The following CLIC6 variants were observed in gnomAD, a reference collection of about 807,000 sequenced individuals.
CLIC6 encodes the protein CLIC family member 6.
Under a neutral mutation model 49.2 loss-of-function variants are expected in CLIC6, and 39 were observed. The ratio of observed to expected loss-of-function variants is 0.79; its 90% CI spans 0.61 to 1.04. CLIC6 has a LOEUF of 1.04. CLIC6 is among the 50% of genes least tolerant of loss of function. The pLI is 0.00. For missense variants in CLIC6, 988 were observed against 993.1 expected, an observed-to-expected ratio of 0.99 and a Z score of 0.07; for synonymous variants, 446 against 433.4, an observed-to-expected ratio of 1.03 and a Z score of -0.36.
At chr21:34,709,734 G>A (rs1044191749) in intron 5 of CLIC6, among the ~76,000 whole-genome samples, 196 bp downstream of exon 5, 72 of 152,362 alleles carry the variant, frequency 4.7e-4, no homozygotes, top group African/African-American at 1.6e-3. Flanking sequence ...TTCTCAGAAA[G>A]TGCCTGGGAA....
At chr21:34,707,212 C>G in intron 1 of CLIC6, 68 bp from the exon 2 acceptor site, 1 of 1,141,110 alleles carries the variant, frequency 8.8e-7, no homozygotes, top group Non-Finnish European at 1.3e-6. Flanking sequence ...TTTGCATGTG[C>G]ATGTTGTGGT....
chr21:34,670,871 T>TGACAATCAGGA, intron 1 of CLIC6, 109 bp downstream of exon 1: 1 of 1,250,416 alleles, frequency 8.0e-7, no homozygotes, highest in Non-Finnish European at 1.1e-6. Context: ...GGTATCCTGA[T>TGACAATCAGGA]TGTCATCAGG....
intron 3 of CLIC6, 144 bp from the exon 4 acceptor site, chr21:34,708,556 C>A (rs146848934): frequency 3.1e-5 from 20 of 646,642 alleles, no homozygotes; most frequent in African/African-American, 2.0e-4. Context: ...TACTTCCCAA[C>A]CTTTGAGAGG....
chr21:34,715,400 C>G (rs1006338659), intron 5 of CLIC6, among the ~76,000 whole-genome samples: 2 of 152,218 alleles, frequency 1.3e-5, no homozygotes, highest in Non-Finnish European at 2.9e-5. Context: ...AAGAGAGACA[C>G]AGGGAGAAGG....
At chr21:34,674,137 G>A (rs2145796086) in intron 1 of CLIC6, among the ~76,000 whole-genome samples, 1 of 151,712 alleles carries the variant, frequency 6.6e-6, no homozygotes, top group Non-Finnish European at 1.5e-5. Context: ...TTTTTTTTGA[G>A]ACAGGGTCTC....
intron 1 of CLIC6, among the ~76,000 whole-genome samples, chr21:34,704,196 T>A (rs1287704880): frequency 6.6e-6 from 1 of 152,212 alleles, no homozygotes; most frequent in Non-Finnish European, 1.5e-5. Flanking sequence ...CATCATCTTG[T>A]CGGGCTAATG....
chr21:34,700,507 A>T (rs4816498), intron 1 of CLIC6, among the ~76,000 whole-genome samples: 137,550 of 137,550 alleles, frequency 1, 68,775 homozygotes, highest in Non-Finnish European at 1. Flanking sequence ...TGCTTTTTAT[A>T]AAAAGGGAAA....
At chr21:34,682,125 G>C (rs912225797) in intron 1 of CLIC6, among the ~76,000 whole-genome samples, 3 of 152,166 alleles carry the variant, frequency 2.0e-5, no homozygotes, top group African/African-American at 7.2e-5. Context: ...ATGGTGTAGT[G>C]AATATCCCTC....
At chr21:34,713,682 A>G (rs2056070499) in intron 5 of CLIC6, among the ~76,000 whole-genome samples, 1 of 152,212 alleles carries the variant, frequency 6.6e-6, no homozygotes, top group African/African-American at 2.4e-5. Flanking sequence ...AGGAAAAAAA[A>G]ATAAAAGAAA....
rs566896581 is a variant in CLIC6 at position 34,681,558 on chromosome 21, G to A, written c.1374+10796G>A. ...GGTCTCATCTGAAGGACTTATTAGG[G>A]CTGGATAATCCACTTCCAAGATGGC... On this transcript the variant is annotated intron_variant, in intron 1 of 5. Coordinates refer to ENST00000349499, the MANE Select transcript of CLIC6 (RefSeq NM_053277.3). Among the ~76,000 whole-genome samples, 142 of 152,292 alleles carry A rather than the reference G, an allele frequency of 9.3e-4. 2 individuals carry two copies. Among genetic ancestry groups the A allele is most frequent in the Non-Finnish European group, 1.5e-3 (99 of 68,020 alleles).
At chr21:34,676,488 A>T (rs1224703812) in intron 1 of CLIC6, among the ~76,000 whole-genome samples, 3 of 152,250 alleles carry the variant, frequency 2.0e-5, no homozygotes, top group Non-Finnish European at 4.4e-5. Context: ...TTATGTCTGT[A>T]GCATCTCCAC....
intron 5 of CLIC6, among the ~76,000 whole-genome samples, chr21:34,715,256 C>T (rs2056079618): frequency 6.6e-6 from 1 of 152,174 alleles, no homozygotes; most frequent in South Asian, 2.1e-4. Flanking sequence ...GATCCTAACC[C>T]CCAGTAGCTC....
chr21:34,701,020 G>T (rs1990177820), intron 1 of CLIC6, among the ~76,000 whole-genome samples: 1 of 139,182 alleles, frequency 7.2e-6, no homozygotes, highest in Non-Finnish European at 1.6e-5. Context: ...TTCACTTGGA[G>T]TAGGTATAGG....
chr21:34,678,542 A>G (rs1363561821), intron 1 of CLIC6, among the ~76,000 whole-genome samples: 2 of 152,196 alleles, frequency 1.3e-5, no homozygotes, highest in Non-Finnish European at 2.9e-5. Context: ...ATTTAGAAGG[A>G]AAAAGGATAA....
chr21:34,695,257 C>T (rs1002357722), intron 1 of CLIC6, among the ~76,000 whole-genome samples: 2 of 152,208 alleles, frequency 1.3e-5, no homozygotes, highest in African/African-American at 4.8e-5. Flanking sequence ...TATTTCATTT[C>T]TCCGACCCTT....
chr21:34,699,397 G>C (rs1381900159), intron 1 of CLIC6, among the ~76,000 whole-genome samples: 1 of 149,328 alleles, frequency 6.7e-6, no homozygotes, highest in Non-Finnish European at 1.5e-5. Context: ...GACTACAGGC[G>C]CATGTCACCA....
At chr21:34,693,757 A>G (rs747611394) in intron 1 of CLIC6, among the ~76,000 whole-genome samples, 1 of 152,222 alleles carries the variant, frequency 6.6e-6, no homozygotes, top group Non-Finnish European at 1.5e-5. Flanking sequence ...AACAGTTACT[A>G]TAGTTCACAA....
At position 34,678,293 on chromosome 21, in the gene CLIC6, T is replaced by G. The variant is rs540361778; in HGVS notation, c.1374+7531T>G. On this transcript the variant is annotated intron_variant, in intron 1 of 5. Coordinates refer to ENST00000349499, the MANE Select transcript of CLIC6 (RefSeq NM_053277.3). Reference sequence around the variant, plus strand: ...AAAAATACAAAAAAAAAAAAAAAAGTCACCCGGGCGTGGTGGCGTGTGCCT... The same window carrying G: ...AAAAATACAAAAAAAAAAAAAAAAGGCACCCGGGCGTGGTGGCGTGTGCCT... Among the ~76,000 whole-genome samples the G allele has an allele frequency of 1.3e-4, 18 of 142,970 alleles. No homozygotes were observed. In the South Asian group the frequency reaches 3.6e-3, roughly 28 times the overall value. The allele number at this position is 142,970 out of a possible 152,430, so 93.8% of individuals were successfully genotyped here. A position where few individuals can be genotyped will look rare whatever the true frequency, so the allele number is the denominator to read the frequency against.
In CLIC6 at chr21:34,669,720, C is replaced by T; in HGVS notation, c.332C>T (p.Ala111Val). The T allele has an allele frequency of 1.4e-6, 2 of 1,379,654 alleles. No individual in the cohort carries two copies. Among genetic ancestry groups the T allele is most frequent in the Middle Eastern group, 2.7e-4 (1 of 3,738 alleles). 85.5% of individuals were successfully genotyped at this position (1,379,654 alleles called of 1,614,324 possible). ...AGCGGCGCGCAGCAGGTGGAGGGGGCGAGCCCGGGACGCGGCGCGCAGGGC... is the reference window on the plus strand; with the variant it reads ...AGCGGCGCGCAGCAGGTGGAGGGGGTGAGCCCGGGACGCGGCGCGCAGGGC... ...ETSGAQQVEG[A>V]SPGRGAQGEP... The change falls in exon 1 of 6, where the codon GCG (alanine) becomes GTG (valine). Residue 111 changes from alanine (A) to valine (V), a missense_variant. Physicochemically the swap from Ala to Val is moderately conservative, Grantham distance 64. Transcript: ENST00000349499.
Sources: gnomAD v4.1 joint callset for allele counts (sites outside exome capture counted in the v4.1 genomes callset) on GRCh38, gnomAD v4.1.1 for gene constraint, MANE v1.5 for transcripts, NCBI Gene and HGNC (gene_info 2026-07-23, HGNC 2026-07-21) for gene names.